PDE4D: variants seen among roughly 807,000 people sequenced by gnomAD.
The protein encoded by PDE4D is 3',5'-cyclic-AMP phosphodiesterase 4D.
In PDE4D, 24 loss-of-function variants were observed where a neutral mutation model predicts 87.4. The observed-to-expected ratio is 0.27, with a 90% confidence interval of 0.20 to 0.39. The LOEUF is 0.39. PDE4D is among the 10% of genes least tolerant of loss of function. The pLI is 1.00. For missense variants in PDE4D, 714 were observed against 1,041.0 expected (o/e 0.69, Z 4.32); for synonymous variants, 384 against 383.2 (o/e 1.00, Z -0.02).
chr5:60,114,208 C>T (rs16890516), intron 2 of PDE4D, among the ~76,000 whole-genome samples: 21,254 of 152,040 alleles, frequency 0.14, 1,535 homozygotes, highest in Middle Eastern at 0.22. Flanking sequence ...TAACTGATAT[C>T]ACTTGTAAAT....
intron 5 of PDE4D, among the ~76,000 whole-genome samples, chr5:59,078,600 C>T (rs1267069581): frequency 6.6e-6 from 1 of 151,802 alleles, no homozygotes; most frequent in Non-Finnish European, 1.5e-5. Flanking sequence ...CCTCAGCTTC[C>T]CAAGCTCAGG....
intron 1 of PDE4D, among the ~76,000 whole-genome samples, chr5:59,641,976 A>C (rs1177678437): frequency 2.6e-5 from 4 of 152,180 alleles, no homozygotes; most frequent in Non-Finnish European, 5.9e-5. Flanking sequence ...AGCAATATAA[A>C]TGTCTGTCAT....
Position 59,217,620 on chromosome 5 carries a change from C to T in PDE4D, c.456-1652G>A, listed in dbSNP as rs188225077. On this transcript the variant is annotated intron_variant, in intron 1 of 14. Coordinates refer to ENST00000340635, the MANE Select transcript of PDE4D (RefSeq NM_001104631.2). ...GAAGGACAATGAGAGATTGTCAAGTCGAACAGACTCACTTTACAGACGAGG... is the reference window on the plus strand; with the variant it reads ...GAAGGACAATGAGAGATTGTCAAGTTGAACAGACTCACTTTACAGACGAGG... Among the ~76,000 whole-genome samples, 8 of 152,202 alleles carry T rather than the reference C, an allele frequency of 5.3e-5. No homozygotes were observed. In the East Asian group the frequency reaches 1.5e-3, roughly 29 times the overall value.
At chr5:59,861,733 T>G (rs1481795982) in intron 1 of PDE4D, among the ~76,000 whole-genome samples, 6 of 152,246 alleles carry the variant, frequency 3.9e-5, no homozygotes, top group African/African-American at 1.4e-4. Context: ...TTTGGACATT[T>G]GCATTGCAGT....
At chr5:60,311,487 A>G (rs938049884) in intron 1 of PDE4D, among the ~76,000 whole-genome samples, 1 of 152,244 alleles carries the variant, frequency 6.6e-6, no homozygotes, top group Non-Finnish European at 1.5e-5. Context: ...AACAAAGGAG[A>G]AGTATAATCT....
chr5:59,126,110 AG>A (rs1561529537), intron 5 of PDE4D, among the ~76,000 whole-genome samples: 3,924 of 106,994 alleles, frequency 0.037, 114 homozygotes, highest in African/African-American at 0.093. Flanking sequence ...AAAAAAAAAG[AG>A]AGAGAGAGAG....
intron 1 of PDE4D, among the ~76,000 whole-genome samples, chr5:59,707,429 C>A (rs1326512199): frequency 6.6e-6 from 1 of 152,130 alleles, no homozygotes; most frequent in Non-Finnish European, 1.5e-5. Flanking sequence ...TTGGTCTAGT[C>A]CCAGGCCTTA....
intron 1 of PDE4D, among the ~76,000 whole-genome samples, chr5:59,299,999 C>A (rs1282042354): frequency 6.7e-6 from 1 of 150,274 alleles, no homozygotes; most frequent in Non-Finnish European, 1.5e-5. Context: ...GTAGTCCCGG[C>A]TACTTGGGAG....
At chr5:59,484,980 G>A (rs185806563) in intron 1 of PDE4D, among the ~76,000 whole-genome samples, 7 of 152,252 alleles carry the variant, frequency 4.6e-5, no homozygotes, top group Admixed American at 4.6e-4. Flanking sequence ...AATCCCCATG[G>A]CAAAATCAGA....
At chr5:59,580,681 G>A (rs1823961317) in intron 1 of PDE4D, among the ~76,000 whole-genome samples, 1 of 151,926 alleles carries the variant, frequency 6.6e-6, no homozygotes, top group Non-Finnish European at 1.5e-5. Context: ...TGTTGTTCAG[G>A]CTGGTCTCTA....
At chr5:60,185,969 C>A (rs1290279755) in intron 1 of PDE4D, among the ~76,000 whole-genome samples, 1 of 147,752 alleles carries the variant, frequency 6.8e-6, no homozygotes, top group Non-Finnish European at 1.5e-5. Flanking sequence ...ATAGCCATAA[C>A]CTAAAGTTAC....
chr5:59,626,723 G>T (rs1006439293), intron 1 of PDE4D, among the ~76,000 whole-genome samples: 1 of 152,136 alleles, frequency 6.6e-6, no homozygotes, highest in South Asian at 2.1e-4. Flanking sequence ...CAAGTTATTT[G>T]CAGTATGAGA....
chr5:60,466,689 C>A (rs939314534), intron 1 of PDE4D, among the ~76,000 whole-genome samples: 11 of 152,162 alleles, frequency 7.2e-5, no homozygotes, highest in Admixed American at 3.9e-4. Context: ...TGGAAGATTT[C>A]TTGATTACAC....
At chr5:60,409,390 G>C (rs191833612) in intron 1 of PDE4D, among the ~76,000 whole-genome samples, 1 of 152,206 alleles carries the variant, frequency 6.6e-6, no homozygotes, top group Non-Finnish European at 1.5e-5. Context: ...GAGGGGGTGA[G>C]AATTGTGAGA....
chr5:59,167,581 C>G (rs1433515081), intron 5 of PDE4D, among the ~76,000 whole-genome samples: 3 of 152,194 alleles, frequency 2.0e-5, no homozygotes. Flanking sequence ...TTTTCAGTCT[C>G]TAAGCTAACA....
chr5:60,416,063 C>T (rs1473985718), intron 1 of PDE4D, among the ~76,000 whole-genome samples: 1 of 152,210 alleles, frequency 6.6e-6, no homozygotes, highest in African/African-American at 2.4e-5. Context: ...ATGCACCAAT[C>T]AGCACTCTGT....
At position 59,027,448 on chromosome 5, in the gene PDE4D, C is replaced by T. The variant is rs562401583; in HGVS notation, c.921+11411G>A. Among the ~76,000 whole-genome samples, 3 of 152,196 alleles carry T rather than the reference C, an allele frequency of 2.0e-5. No individual in the cohort carries two copies. The East Asian group carries it at 5.8e-4, about 29-fold the overall frequency. The stretch of plus-strand genomic sequence containing the variant: ...CGGTGTAGGGGGTTATGTTCTCCCT[C>T]CTTGAGAGTAGAGTATCTATAGAAG... On this transcript the variant is annotated intron_variant, in intron 6 of 14. Transcript: ENST00000340635.
intron 1 of PDE4D, among the ~76,000 whole-genome samples, chr5:59,840,504 A>G (rs1180654451): frequency 1.3e-5 from 2 of 152,046 alleles, no homozygotes; most frequent in African/African-American, 4.8e-5. Context: ...TCAATGAATC[A>G]TAAGTAAATG....
At chr5:60,013,141 G>A (rs997634431) in intron 2 of PDE4D, among the ~76,000 whole-genome samples, 2 of 151,950 alleles carry the variant, frequency 1.3e-5, no homozygotes, top group African/African-American at 4.8e-5. Flanking sequence ...TTTGGACCCC[G>A]TATAATCCTG....
Sources: allele counts gnomAD v4.1 joint callset (sites outside exome capture counted in the v4.1 genomes callset), GRCh38; gene constraint gnomAD v4.1.1; transcripts MANE v1.5; gene names NCBI Gene and HGNC (gene_info 2026-07-23, HGNC 2026-07-21).